The following TMEM132C variants were observed in gnomAD, a reference collection of about 807,000 sequenced individuals.
TMEM132C encodes transmembrane protein 132C.
A neutral mutation model predicts 61.4 loss-of-function variants in TMEM132C; 29 were observed. That is an observed-to-expected ratio of 0.47 (90% CI 0.35 to 0.64). The LOEUF (loss-of-function observed/expected upper bound fraction) is 0.64, where lower values mean the gene tolerates loss of function less well. TMEM132C is among the 30% of genes least tolerant of loss of function. The pLI is 0.00. For missense variants in TMEM132C, 1,408 were observed against 1,476.9 expected, an observed-to-expected ratio of 0.95 and a Z score of 0.76; for synonymous variants, 656 against 633.1, an observed-to-expected ratio of 1.04 and a Z score of -0.54.
intron 5 of TMEM132C, among the ~76,000 whole-genome samples, chr12:128,674,093 A>G (rs1024422582): frequency 2.0e-5 from 3 of 152,256 alleles, no homozygotes; most frequent in African/African-American, 4.8e-5. Context: ...CCGATTTTAT[A>G]ACATTTTTGT....
At chr12:128,604,956 GATAA>G (rs1876366347) in intron 3 of TMEM132C, among the ~76,000 whole-genome samples, 1 of 145,940 alleles carries the variant, frequency 6.9e-6, no homozygotes, top group African/African-American at 2.6e-5. Context: ...TAGATGGATA[GATAA>G]ATAATAGATG....
In TMEM132C at chr12:128,614,926, A is replaced by G. The variant is rs533418040; in HGVS notation, c.1122-1226A>G. 4.6e-5 allele frequency among the ~76,000 whole-genome samples: 7 copies of G among 152,312 alleles called. No homozygotes were observed. In the South Asian group the frequency reaches 1.4e-3, roughly 32 times the overall value. ...AGAGGACTGTTGTGGTGGAAACACC[A>G]CTGTCACCCCTCGGCATGATGATGT... On this transcript the variant is annotated intron_variant, in intron 3 of 8. Coordinates refer to ENST00000435159, the MANE Select transcript of TMEM132C (RefSeq NM_001136103.3).
chr12:128,663,945 C>A (rs1276291490), intron 4 of TMEM132C, among the ~76,000 whole-genome samples: 2 of 105,438 alleles, frequency 1.9e-5, no homozygotes, highest in Non-Finnish European at 4.1e-5. Flanking sequence ...GACACTCACA[C>A]AGGCACACAC....
intron 3 of TMEM132C, among the ~76,000 whole-genome samples, chr12:128,585,537 G>A (rs1347078966): frequency 6.6e-6 from 1 of 152,260 alleles, no homozygotes; most frequent in Non-Finnish European, 1.5e-5. Flanking sequence ...AAGGCACTGA[G>A]ACATCTATCA....
chr12:128,425,334 G>A (rs1869144965), intron 2 of TMEM132C, among the ~76,000 whole-genome samples: 1 of 152,240 alleles, frequency 6.6e-6, no homozygotes, highest in African/African-American at 2.4e-5. Context: ...TCACACATGT[G>A]CCCTGTTAAA....
intron 2 of TMEM132C, among the ~76,000 whole-genome samples, chr12:128,538,333 A>T (rs1873611074): frequency 6.6e-6 from 1 of 152,202 alleles, no homozygotes. Context: ...CATGTTGGCC[A>T]GGCTGGTCTG....
At chr12:128,352,162 T>A (rs1415075682) in intron 1 of TMEM132C, among the ~76,000 whole-genome samples, 1 of 152,192 alleles carries the variant, frequency 6.6e-6, no homozygotes, top group Non-Finnish European at 1.5e-5. Flanking sequence ...AATAAAGATA[T>A]ACCTGAGACT....
At chr12:128,334,258 C>CT (rs1872737372) in intron 1 of TMEM132C, among the ~76,000 whole-genome samples, 1 of 152,304 alleles carries the variant, frequency 6.6e-6, no homozygotes, top group Middle Eastern at 3.4e-3. Flanking sequence ...AATACCCAGG[C>CT]TGCACCTCAG....
At position 128,655,003 on chromosome 12, in the gene TMEM132C, G is replaced by A. The variant is rs148684515; in HGVS notation, c.1306-14414G>A. Among the ~76,000 whole-genome samples, 568 of 152,298 alleles carry A rather than the reference G, an allele frequency of 3.7e-3. 2 individuals carry two copies. Among genetic ancestry groups the A allele is most frequent in the Middle Eastern group, 0.01 (3 of 294 alleles). Reference sequence around the variant, plus strand: ...TGCTCCTACCGAATCTAAGGCAGTCGCAGAGGAAATGAGGGGAATTGTTAG... The same window carrying A: ...TGCTCCTACCGAATCTAAGGCAGTCACAGAGGAAATGAGGGGAATTGTTAG... On this transcript the variant is annotated intron_variant, in intron 4 of 8. Transcript: ENST00000435159.
At chr12:128,498,607 A>G (rs1902914) in intron 2 of TMEM132C, among the ~76,000 whole-genome samples, 151,437 of 152,220 alleles carry the variant, frequency 0.99, 75,331 homozygotes, top group Non-Finnish European at 1. Flanking sequence ...CCTGGGAGAC[A>G]GATGTTGCAG....
At chr12:128,468,173 G>C (rs1477299693) in intron 2 of TMEM132C, among the ~76,000 whole-genome samples, 2 of 152,164 alleles carry the variant, frequency 1.3e-5, no homozygotes, top group African/African-American at 4.8e-5. Context: ...TAGCGGTCCA[G>C]AGGGAACACC....
intron 2 of TMEM132C, among the ~76,000 whole-genome samples, chr12:128,428,385 C>T (rs896093422): frequency 1.3e-5 from 2 of 152,132 alleles, no homozygotes; most frequent in Non-Finnish European, 2.9e-5. Context: ...ACATGGTCAC[C>T]CCAAGGGTTC....
chr12:128,406,891 C>G (rs1237337720), intron 1 of TMEM132C, among the ~76,000 whole-genome samples: 1 of 152,208 alleles, frequency 6.6e-6, no homozygotes, highest in East Asian at 1.9e-4. Context: ...AGCTACATCA[C>G]TTACAACCAG....
At chr12:128,667,583 G>A (rs182540757) in intron 4 of TMEM132C, among the ~76,000 whole-genome samples, 1 of 152,278 alleles carries the variant, frequency 6.6e-6, no homozygotes, top group Non-Finnish European at 1.5e-5. Flanking sequence ...CTTGTTTAAT[G>A]CAAAAGGTCA....
intron 3 of TMEM132C, among the ~76,000 whole-genome samples, chr12:128,613,635 C>A (rs1876707262): frequency 6.6e-6 from 1 of 152,172 alleles, no homozygotes; most frequent in African/African-American, 2.4e-5. Flanking sequence ...TCTCATAAAT[C>A]ATGATTCTGT....
At chr12:128,340,915 TTTC>T (rs1872954718) in intron 1 of TMEM132C, among the ~76,000 whole-genome samples, 1 of 103,738 alleles carries the variant, frequency 9.6e-6, no homozygotes, top group Admixed American at 9.3e-5. Context: ...TCTCTCTCTC[TTTC>T]TCTCTCTCTC....
intron 2 of TMEM132C, among the ~76,000 whole-genome samples, chr12:128,492,687 G>T (rs945303493): frequency 6.6e-6 from 1 of 152,052 alleles, no homozygotes; most frequent in Non-Finnish European, 1.5e-5. Flanking sequence ...TGTCCACTTT[G>T]TGATGGGGTT....
intron 4 of TMEM132C, among the ~76,000 whole-genome samples, chr12:128,622,728 C>T (rs1265783084): frequency 2.0e-5 from 3 of 151,988 alleles, no homozygotes; most frequent in Admixed American, 6.6e-5. Context: ...CAGAGGCAGG[C>T]GTGTCGTAGG....
At chr12:128,665,358 C>T (rs1593140588) in intron 4 of TMEM132C, among the ~76,000 whole-genome samples, 1 of 148,562 alleles carries the variant, frequency 6.7e-6, no homozygotes, top group East Asian at 2.0e-4. Context: ...CACAGACACA[C>T]ATACACAAAC....
Sources: gnomAD v4.1 joint callset for allele counts (sites outside exome capture counted in the v4.1 genomes callset) on GRCh38, gnomAD v4.1.1 for gene constraint, MANE v1.5 for transcripts, NCBI Gene and HGNC (gene_info 2026-07-23, HGNC 2026-07-21) for gene names.